Variants in SLC24A2 observed in about 807,000 individuals in gnomAD.
The protein encoded by SLC24A2 is sodium/potassium/calcium exchanger 2.
Under a neutral mutation model 62.0 loss-of-function variants are expected in SLC24A2, and 36 were observed. The observed-to-expected ratio is 0.58, with a 90% CI of 0.44 to 0.77. SLC24A2 has a LOEUF of 0.77. Ranked by LOEUF, SLC24A2 falls within the 30% of genes least tolerant of loss-of-function variation. The pLI is 0.00. For synonymous variants in SLC24A2, 358 were observed against 294.0 expected (o/e 1.22, Z -2.23); for missense variants, 846 against 817.9 (o/e 1.03, Z -0.42).
At chr9:20,054,910 C>G in the SLC24A2 span, among the ~76,000 whole-genome samples, 1 of 152,310 alleles carries the variant, frequency 6.6e-6, no homozygotes, top group East Asian at 1.9e-4. Flanking sequence ...TAATGATGCT[C>G]TCAATCATAA....
chr9:19,812,336 G>A, the SLC24A2 span, among the ~76,000 whole-genome samples: 1 of 151,738 alleles, frequency 6.6e-6, no homozygotes, highest in Admixed American at 6.6e-5. Context: ...TATGTGTATT[G>A]TACATTCTTC....
the SLC24A2 span, among the ~76,000 whole-genome samples, chr9:19,898,557 A>G: frequency 3.3e-5 from 5 of 152,096 alleles, no homozygotes; most frequent in Non-Finnish European, 7.4e-5. Flanking sequence ...CCTGGCTAAC[A>G]TGGAGAAACT....
At chr9:19,658,580 C>T (rs1819006747) in intron 2 of SLC24A2, among the ~76,000 whole-genome samples, 1 of 152,206 alleles carries the variant, frequency 6.6e-6, no homozygotes, top group Admixed American at 6.5e-5. Flanking sequence ...GATAAGTTAA[C>T]AGGTTAGGTT....
At chr9:20,189,821 C>G in the SLC24A2 span, among the ~76,000 whole-genome samples, 1 of 131,464 alleles carries the variant, frequency 7.6e-6, no homozygotes, top group Non-Finnish European at 1.6e-5. Flanking sequence ...GAGGTTTCTC[C>G]TAAGTTTCCA....
chr9:20,184,347 C>T, the SLC24A2 span, among the ~76,000 whole-genome samples: 2 of 152,156 alleles, frequency 1.3e-5, no homozygotes, highest in South Asian at 2.1e-4. Context: ...TCAAGAGAAA[C>T]GAGACCATCC....
the SLC24A2 span, among the ~76,000 whole-genome samples, chr9:20,002,278 T>C: frequency 6.6e-6 from 1 of 151,978 alleles, no homozygotes; most frequent in Admixed American, 6.6e-5. Flanking sequence ...AGTTGAAAGG[T>C]GTCTCTGAGC....
chr9:19,683,952 C>A (rs1198280194), intron 2 of SLC24A2, among the ~76,000 whole-genome samples: 1 of 152,000 alleles, frequency 6.6e-6, no homozygotes, highest in Non-Finnish European at 1.5e-5. Context: ...GGGGAGTAGC[C>A]CTTGGAATAC....
the SLC24A2 span, among the ~76,000 whole-genome samples, chr9:19,835,146 GC>G: frequency 6.6e-6 from 1 of 152,128 alleles, no homozygotes; most frequent in Non-Finnish European, 1.5e-5. Flanking sequence ...GACCATCAAG[GC>G]TAGGAAGAAA....
intron 2 of SLC24A2, among the ~76,000 whole-genome samples, chr9:19,745,596 C>T (rs563197357): frequency 4.1e-4 from 62 of 152,206 alleles, no homozygotes; most frequent in African/African-American, 1.4e-3. Context: ...AGAACCACTG[C>T]CTTAAAATAT....
chr9:20,305,194 G>A, the SLC24A2 span, among the ~76,000 whole-genome samples: 742 of 145,342 alleles, frequency 5.1e-3, 4 homozygotes, highest in African/African-American at 0.016. Context: ...CTGCATCTCT[G>A]CCTCGCAGGT....
chr9:20,272,225 A>C, the SLC24A2 span, among the ~76,000 whole-genome samples: 1 of 152,224 alleles, frequency 6.6e-6, no homozygotes, highest in Non-Finnish European at 1.5e-5. Flanking sequence ...TAGAAAATGA[A>C]GTCCTTTTTG....
At chr9:20,167,084 ATAT>A in the SLC24A2 span, among the ~76,000 whole-genome samples, 2 of 151,940 alleles carry the variant, frequency 1.3e-5, no homozygotes, top group Non-Finnish European at 2.9e-5. Flanking sequence ...CAAAGTGTTA[ATAT>A]TATAGGTGTG....
chr9:20,001,440 C>T, the SLC24A2 span, among the ~76,000 whole-genome samples: 4 of 152,336 alleles, frequency 2.6e-5, no homozygotes, highest in Middle Eastern at 3.4e-3. Context: ...AATTAATTTT[C>T]CTTTGCTGCT....
At chr9:20,206,758 C>G in the SLC24A2 span, among the ~76,000 whole-genome samples, 1 of 151,974 alleles carries the variant, frequency 6.6e-6, no homozygotes, top group Admixed American at 6.6e-5. Flanking sequence ...GGATTACAGG[C>G]GTGAGCCACT....
At chr9:19,772,086 G>A (rs1375277842) in intron 2 of SLC24A2, among the ~76,000 whole-genome samples, 2 of 152,146 alleles carry the variant, frequency 1.3e-5, no homozygotes, top group South Asian at 2.1e-4. Context: ...ATTTTATGAC[G>A]AGAAAGTCTT....
At chr9:20,089,680 G>GC in the SLC24A2 span, among the ~76,000 whole-genome samples, 102 of 149,300 alleles carry the variant, frequency 6.8e-4, no homozygotes, top group Non-Finnish European at 8.0e-4. Flanking sequence ...GCATCTGACA[G>GC]CCCCCCCGCC....
At chr9:19,608,078 C>T (rs1837041579) in intron 4 of SLC24A2, among the ~76,000 whole-genome samples, 1 of 152,106 alleles carries the variant, frequency 6.6e-6, no homozygotes. Flanking sequence ...ATTAGTAGAC[C>T]ACGGCCAGTA....
chr9:19,892,993 G>A, the SLC24A2 span, among the ~76,000 whole-genome samples: 16 of 152,150 alleles, frequency 1.1e-4, no homozygotes, highest in African/African-American at 3.9e-4. Context: ...CTCTAGAGGG[G>A]AAGAAAACAT....
At chr9:20,106,932 T>C in the SLC24A2 span, among the ~76,000 whole-genome samples, 8 of 152,226 alleles carry the variant, frequency 5.3e-5, no homozygotes, top group African/African-American at 1.7e-4. Flanking sequence ...GACGACATGA[T>C]TGTGTATCTA....
Sources: allele counts gnomAD v4.1 joint callset (sites outside exome capture counted in the v4.1 genomes callset), GRCh38; gene constraint gnomAD v4.1.1; transcripts MANE v1.5; gene names NCBI Gene and HGNC (gene_info 2026-07-23, HGNC 2026-07-21).